The following SUGCT variants were observed in gnomAD, a reference collection of about 807,000 sequenced individuals.
The protein encoded by SUGCT is succinyl-CoA:glutarate-CoA transferase, also known as succinyl-CoA:glutarate CoA-transferase.
A neutral mutation model predicts 55.0 loss-of-function variants in SUGCT; 41 were observed. That is an observed-to-expected ratio of 0.74 (90% CI 0.58 to 0.97). The LOEUF is 0.97. Among genes scored for constraint, SUGCT ranks in the 50% least tolerant of loss-of-function variants. SUGCT has a pLI of 0.00. For missense variants in SUGCT, 568 were observed against 547.8 expected (o/e 1.04, Z -0.37); for synonymous variants, 187 against 200.4 (o/e 0.93, Z 0.56).
At chr7:40,868,555 TTTTG>T in the SUGCT span, among the ~76,000 whole-genome samples, 6 of 152,296 alleles carry the variant, frequency 3.9e-5, no homozygotes, top group East Asian at 1.9e-4. Flanking sequence ...CTTGCTTTGT[TTTTG>T]TTTAAGAGGT....
At chr7:40,653,544 G>A (rs1344194411) in intron 12 of SUGCT, among the ~76,000 whole-genome samples, 1 of 152,090 alleles carries the variant, frequency 6.6e-6, no homozygotes, top group Non-Finnish European at 1.5e-5. Context: ...CTCTTGAATG[G>A]ACATTCCGAC....
chr7:40,448,252 T>G (rs1229495262), intron 9 of SUGCT, among the ~76,000 whole-genome samples: 1 of 112,404 alleles, frequency 8.9e-6, no homozygotes, highest in South Asian at 3.3e-4. Context: ...CTCCCTTCCT[T>G]CCTTCCTTCC....
At chr7:40,139,848 T>G (rs1381260108) in intron 1 of SUGCT, among the ~76,000 whole-genome samples, 1 of 152,160 alleles carries the variant, frequency 6.6e-6, no homozygotes, top group African/African-American at 2.4e-5. Flanking sequence ...TTCTTCAGTA[T>G]TTTTAGAGTT....
intron 12 of SUGCT, among the ~76,000 whole-genome samples, chr7:40,534,015 T>G (rs1794228758): frequency 6.6e-6 from 1 of 152,182 alleles, no homozygotes; most frequent in Non-Finnish European, 1.5e-5. Context: ...AGTATATACT[T>G]AAATTTTGTA....
Position 40,195,003 on chromosome 7 carries a change from C to T in SUGCT, c.427C>T (p.Leu143=), listed in dbSNP as rs767403785. The T allele has an allele frequency of 2.2e-5, 35 of 1,613,778 alleles. 1 individual carries two copies. In the South Asian group the frequency reaches 3.7e-4, roughly 17 times the overall value. ...CCCTGGCAAACTGTCTGCAATGGGC[C>T]TGGGATATGAAGATATAGACGAGAT... The part of the protein sequence containing the change: ...YVPGKLSAMG[L]GYEDIDEIAP... The change falls in exon 6 of 14, where the codon CTG becomes TTG. Residue 143 remains leucine (L), a synonymous_variant. Transcript: ENST00000335693.
chr7:40,534,333 A>G (rs1794244300), intron 12 of SUGCT, among the ~76,000 whole-genome samples: 1 of 152,218 alleles, frequency 6.6e-6, no homozygotes, highest in Non-Finnish European at 1.5e-5. Context: ...CATTATGCCA[A>G]TGATTTCATA....
intron 3 of SUGCT, among the ~76,000 whole-genome samples, chr7:40,187,076 AC>A (rs1240453195): frequency 1.3e-5 from 2 of 152,184 alleles, no homozygotes; most frequent in Admixed American, 1.3e-4. Context: ...AAAATGTGGC[AC>A]ATATACACCA....
chr7:40,962,673 G>A, the SUGCT span, among the ~76,000 whole-genome samples: 1 of 151,384 alleles, frequency 6.6e-6, no homozygotes, highest in South Asian at 2.1e-4. Context: ...GAAGTTCTAG[G>A]TTAAAAAATC....
the SUGCT span, among the ~76,000 whole-genome samples, chr7:41,033,984 A>C: frequency 6.6e-6 from 1 of 152,210 alleles, no homozygotes; most frequent in Non-Finnish European, 1.5e-5. Flanking sequence ...TGAGATTGTC[A>C]AAATGCAAAG....
intron 9 of SUGCT, among the ~76,000 whole-genome samples, chr7:40,403,420 C>T (rs115127595): frequency 2.6e-3 from 389 of 152,272 alleles, no homozygotes; most frequent in Middle Eastern, 0.017. Context: ...GTATTAAAAA[C>T]AGTGGTAACA....
intron 12 of SUGCT, among the ~76,000 whole-genome samples, chr7:40,673,497 C>T (rs972925030): frequency 6.6e-6 from 1 of 152,220 alleles, no homozygotes; most frequent in Admixed American, 6.5e-5. Context: ...ACCACTGAGT[C>T]ACTTCCTCTA....
chr7:40,147,998 C>T (rs1186876758), intron 1 of SUGCT, among the ~76,000 whole-genome samples: 1 of 152,122 alleles, frequency 6.6e-6, no homozygotes, highest in East Asian at 1.9e-4. Context: ...TGCACATGGC[C>T]CCTGCTGCTG....
chr7:41,004,376 T>C, the SUGCT span, among the ~76,000 whole-genome samples: 28 of 152,346 alleles, frequency 1.8e-4, 1 homozygote, highest in Non-Finnish European at 3.7e-4. Flanking sequence ...TTTGGCAAAG[T>C]GAAGGCAGGC....
chr7:40,971,297 C>T, the SUGCT span, among the ~76,000 whole-genome samples: 4 of 152,190 alleles, frequency 2.6e-5, no homozygotes, highest in East Asian at 7.7e-4. Flanking sequence ...ATTCATCTGC[C>T]CCCATGATCC....
At chr7:40,780,503 G>T (rs1157715252) in intron 13 of SUGCT, among the ~76,000 whole-genome samples, 1 of 152,160 alleles carries the variant, frequency 6.6e-6, no homozygotes, top group Non-Finnish European at 1.5e-5. Context: ...CCTCTGAGAA[G>T]AAGGAAGAGA....
intron 8 of SUGCT, among the ~76,000 whole-genome samples, chr7:40,302,273 G>A (rs1554305087): frequency 6.6e-6 from 1 of 151,726 alleles, no homozygotes; most frequent in Non-Finnish European, 1.5e-5. Flanking sequence ...CTTCCCACCT[G>A]TTTTTTTTGT....
chr7:40,512,099 G>A (rs1355858653), intron 12 of SUGCT, among the ~76,000 whole-genome samples: 1 of 152,158 alleles, frequency 6.6e-6, no homozygotes, highest in Admixed American at 6.5e-5. Context: ...CCAGAATGCA[G>A]TTACTCCTGG....
At chr7:40,796,455 G>A (rs1231565149) in intron 13 of SUGCT, among the ~76,000 whole-genome samples, 1 of 152,170 alleles carries the variant, frequency 6.6e-6, no homozygotes, top group East Asian at 1.9e-4. Context: ...TAACGATGAT[G>A]AGGAAAAGGA....
intron 9 of SUGCT, among the ~76,000 whole-genome samples, chr7:40,330,184 A>G (rs993405384): frequency 2.6e-5 from 4 of 152,190 alleles, no homozygotes; most frequent in Non-Finnish European, 5.9e-5. Flanking sequence ...AGCCTCTAAG[A>G]TGTGATTGTT....
Sources: allele counts gnomAD v4.1 joint callset (sites outside exome capture counted in the v4.1 genomes callset), GRCh38; gene constraint gnomAD v4.1.1; transcripts MANE v1.5; gene names NCBI Gene and HGNC (gene_info 2026-07-23, HGNC 2026-07-21).